Variants in KHDRBS3 observed in about 807,000 individuals in gnomAD.
KHDRBS3 encodes KH RNA binding domain containing, signal transduction associated 3, also known as KH domain-containing, RNA-binding, signal transduction-associated protein 3.
KHDRBS3 carries 23 observed loss-of-function variants against 45.6 expected under a neutral mutation model. The ratio of observed to expected loss-of-function variants is 0.50; its 90% CI spans 0.36 to 0.72. The LOEUF (loss-of-function observed/expected upper bound fraction) is 0.72, where lower values mean the gene tolerates loss of function less well. KHDRBS3 is among the 30% of genes least tolerant of loss of function. The probability of loss-of-function intolerance (pLI) is 0.00; values close to 1 mark genes in which losing one functional copy is unlikely to be tolerated. For synonymous variants in KHDRBS3, 162 were observed against 156.5 expected, an observed-to-expected ratio of 1.04 and a Z score of -0.26; for missense variants, 352 against 424.8, an observed-to-expected ratio of 0.83 and a Z score of 1.51.
chr8:135,529,053 A>G (rs1003659685), intron 2 of KHDRBS3, among the ~76,000 whole-genome samples: 2 of 152,218 alleles, frequency 1.3e-5, no homozygotes, highest in Admixed American at 6.5e-5. Flanking sequence ...TTTAGTTACT[A>G]TGAGTCACTC....
At chr8:135,544,015 A>G (rs746171252) in intron 3 of KHDRBS3, among the ~76,000 whole-genome samples, 1 of 152,188 alleles carries the variant, frequency 6.6e-6, no homozygotes, top group Non-Finnish European at 1.5e-5. Context: ...TATGACTTCA[A>G]TTCTCTGACT....
chr8:135,494,273 A>ATTT (rs386414089), intron 1 of KHDRBS3, among the ~76,000 whole-genome samples: 4,809 of 78,676 alleles, frequency 0.061, 731 homozygotes, highest in African/African-American at 0.15. Context: ...TGTTTCTCTT[A>ATTT]TTTTTTTTTT....
chr8:135,473,151 A>T (rs183360314), intron 1 of KHDRBS3, among the ~76,000 whole-genome samples: 1 of 151,600 alleles, frequency 6.6e-6, no homozygotes, highest in East Asian at 2.0e-4. Context: ...TTTGGAGGAG[A>T]GACCTTTGGT....
At chr8:135,474,353 T>C (rs1822162705) in intron 1 of KHDRBS3, among the ~76,000 whole-genome samples, 2 of 152,230 alleles carry the variant, frequency 1.3e-5, no homozygotes. Flanking sequence ...CCTTGAAGCC[T>C]GACACATGCA....
intron 1 of KHDRBS3, among the ~76,000 whole-genome samples, chr8:135,508,560 G>A (rs746825891): frequency 1.4e-4 from 21 of 152,118 alleles, no homozygotes; most frequent in African/African-American, 2.4e-4. Flanking sequence ...AATGATGTTT[G>A]CAATTAAAAG....
intron 5 of KHDRBS3, among the ~76,000 whole-genome samples, chr8:135,564,700 C>T (rs1827320499): frequency 6.6e-6 from 1 of 152,152 alleles, no homozygotes; most frequent in Non-Finnish European, 1.5e-5. Flanking sequence ...TTCACTGCCT[C>T]CTTCGTTTGT....
intron 1 of KHDRBS3, among the ~76,000 whole-genome samples, chr8:135,501,164 G>C (rs1823716818): frequency 6.6e-6 from 1 of 152,156 alleles, no homozygotes; most frequent in African/African-American, 2.4e-5. Flanking sequence ...ACCATAGCTA[G>C]AACAGTTTAT....
At chr8:135,610,918 G>A (rs1165274578) in intron 7 of KHDRBS3, among the ~76,000 whole-genome samples, 1 of 151,864 alleles carries the variant, frequency 6.6e-6, no homozygotes, top group East Asian at 1.9e-4. Flanking sequence ...CCATTGAAGA[G>A]TTACATGTAA....
At chr8:135,518,398 T>A (rs576210606) in intron 1 of KHDRBS3, among the ~76,000 whole-genome samples, 17 of 152,128 alleles carry the variant, frequency 1.1e-4, no homozygotes, top group African/African-American at 3.9e-4. Context: ...ATGGTCTCAA[T>A]CTCCTGACCT....
At chr8:135,609,581 C>T (rs1449220425) in intron 7 of KHDRBS3, among the ~76,000 whole-genome samples, 1 of 148,938 alleles carries the variant, frequency 6.7e-6, no homozygotes, top group Admixed American at 6.6e-5. Context: ...AGGTGTGAGC[C>T]ACCACACCGG....
intron 1 of KHDRBS3, among the ~76,000 whole-genome samples, chr8:135,490,395 A>G (rs1264196417): frequency 1.3e-5 from 2 of 151,972 alleles, no homozygotes; most frequent in Admixed American, 6.5e-5. Context: ...CTGTCTCCCT[A>G]CCTCTTACCT....
intron 3 of KHDRBS3, among the ~76,000 whole-genome samples, chr8:135,545,547 A>T (rs1826252798): frequency 6.6e-6 from 1 of 152,196 alleles, no homozygotes; most frequent in Non-Finnish European, 1.5e-5. Flanking sequence ...TCAGCCGCAC[A>T]CAGACTTGAA....
chr8:135,585,750 A>G (rs1197686877), intron 6 of KHDRBS3, among the ~76,000 whole-genome samples: 1 of 152,198 alleles, frequency 6.6e-6, no homozygotes, highest in East Asian at 1.9e-4. Flanking sequence ...ATTAACTTCT[A>G]AGGAAAAATT....
chr8:135,650,568 T>TA (rs1831408689), downstream of KHDRBS3, among the ~76,000 whole-genome samples: 1 of 152,198 alleles, frequency 6.6e-6, no homozygotes, highest in Non-Finnish European at 1.5e-5. Context: ...ATTTCACACT[T>TA]ATGTTGCTCA....
chr8:135,655,793 C>G (rs183876485), intron 4 of KHDRBS3, among the ~76,000 whole-genome samples: 2 of 152,156 alleles, frequency 1.3e-5, no homozygotes. Context: ...AGTTTTGTTT[C>G]GTATGACACA....
At chr8:135,535,646 C>G (rs184404598) in intron 2 of KHDRBS3, among the ~76,000 whole-genome samples, 12 of 151,902 alleles carry the variant, frequency 7.9e-5, no homozygotes, top group African/African-American at 2.4e-4. Flanking sequence ...CTTTTTTTAT[C>G]CTATGGGTCA....
chr8:135,521,574 C>G (rs1252073720), intron 2 of KHDRBS3, among the ~76,000 whole-genome samples: 2 of 152,190 alleles, frequency 1.3e-5, no homozygotes, highest in African/African-American at 4.8e-5. Flanking sequence ...TTGAGTCAAA[C>G]TAGCAGTGTG....
At chr8:135,555,237 A>G (rs535003214) in intron 4 of KHDRBS3, among the ~76,000 whole-genome samples, 48 of 152,182 alleles carry the variant, frequency 3.2e-4, no homozygotes, top group African/African-American at 1.2e-3. Flanking sequence ...TTTTCAGTAT[A>G]CTCTGTGAAG....
At chr8:135,593,123 G>T (rs1003979116) in intron 6 of KHDRBS3, among the ~76,000 whole-genome samples, 2 of 152,142 alleles carry the variant, frequency 1.3e-5, no homozygotes, top group Non-Finnish European at 2.9e-5. Flanking sequence ...GGAAACCTTT[G>T]CCTTTATAAA....
Sources: allele counts gnomAD v4.1 joint callset (sites outside exome capture counted in the v4.1 genomes callset), GRCh38; gene constraint gnomAD v4.1.1; transcripts MANE v1.5; gene names NCBI Gene and HGNC (gene_info 2026-07-23, HGNC 2026-07-21).